PAPPA: variants seen among roughly 807,000 people sequenced by gnomAD.
The protein encoded by PAPPA is pappalysin 1.
PAPPA carries 60 observed loss-of-function variants against 164.0 expected under a neutral mutation model. The ratio of observed to expected loss-of-function variants is 0.37; its 90% CI spans 0.30 to 0.45. PAPPA has a LOEUF of 0.45. PAPPA is among the 20% of genes least tolerant of loss of function. PAPPA has a pLI of 1.00. For missense variants in PAPPA, 1,782 were observed against 2,087.3 expected (o/e 0.85, Z 2.85); for synonymous variants, 875 against 814.1 (o/e 1.07, Z -1.27).
intron 1 of PAPPA, among the ~76,000 whole-genome samples, chr9:116,177,314 T>C (rs1843848867): frequency 6.6e-6 from 1 of 152,208 alleles, no homozygotes; most frequent in South Asian, 2.1e-4. Context: ...ACTACCAGAC[T>C]GTCCACTGTG....
At chr9:116,356,260 A>G (rs961041237) in intron 17 of PAPPA, among the ~76,000 whole-genome samples, 5 of 152,216 alleles carry the variant, frequency 3.3e-5, no homozygotes, top group Admixed American at 2.0e-4. Flanking sequence ...GTTAAGCTTC[A>G]CTTTTCTTGT....
intron 10 of PAPPA, among the ~76,000 whole-genome samples, chr9:116,315,604 T>A (rs1237973293): frequency 1.3e-5 from 2 of 152,214 alleles, no homozygotes; most frequent in Non-Finnish European, 2.9e-5. Context: ...AATTTTCCTG[T>A]GATTGGCTTC....
intron 2 of PAPPA, among the ~76,000 whole-genome samples, chr9:116,204,459 A>G (rs1300421095): frequency 6.6e-6 from 1 of 152,136 alleles, no homozygotes; most frequent in Non-Finnish European, 1.5e-5. Context: ...CTATTGCCCA[A>G]GTGGGAGTAC....
At chr9:116,395,989 C>T (rs1507907) in intron 21 of PAPPA, among the ~76,000 whole-genome samples, 152,201 of 152,322 alleles carry the variant, frequency 1, 76,041 homozygotes, top group Non-Finnish European at 1. Flanking sequence ...AACTTTGCTA[C>T]AGTGCACGAC....
intron 9 of PAPPA, 125 bp from the exon 10 acceptor site, chr9:116,302,632 A>T: frequency 1.5e-6 from 1 of 670,996 alleles, no homozygotes; most frequent in Non-Finnish European, 2.5e-6. Flanking sequence ...GTCCATCGTG[A>T]CTAATGTGAT....
chr9:116,376,034 T>A (rs898140203), intron 19 of PAPPA, among the ~76,000 whole-genome samples: 3 of 151,440 alleles, frequency 2.0e-5, no homozygotes, highest in African/African-American at 7.3e-5. Flanking sequence ...TTTTTTTTTT[T>A]TTTTTGAGAC....
chr9:116,222,726 G>A (rs1412097518), intron 5 of PAPPA, among the ~76,000 whole-genome samples: 1 of 152,134 alleles, frequency 6.6e-6, no homozygotes, highest in Non-Finnish European at 1.5e-5. Context: ...GTTGATCAAA[G>A]GGCATAAAGT....
intron 10 of PAPPA, among the ~76,000 whole-genome samples, chr9:116,321,264 T>G (rs577550373): frequency 2.0e-5 from 3 of 152,142 alleles, no homozygotes; most frequent in South Asian, 2.1e-4. Context: ...CCTGACCTCG[T>G]GATCCGCCCG....
Position 116,362,613 on chromosome 9 carries a change from C to T in PAPPA, c.4369C>T (p.His1457Tyr). The change falls in exon 18 of 22, where the codon CAT becomes TAT. Residue 1457 changes from histidine to tyrosine, a missense_variant. By Grantham distance (83) the His-to-Tyr change is moderately conservative. Coordinates refer to ENST00000328252, the MANE Select transcript of PAPPA (RefSeq NM_002581.5). ...ASQGLGSNVI[H>Y]CRKDGTWNGS... ...TCAGGGACTTGGGAGCAATGTCATT[C>T]ATTGCCGGAAAGATGGCACCTGGAA... is the stretch of plus-strand genomic sequence containing the variant. 1 of 1,613,980 alleles carries T rather than the reference C, an allele frequency of 6.2e-7. No homozygotes were observed. Among genetic ancestry groups the T allele is most frequent in the Non-Finnish European group, 8.5e-7 (1 of 1,179,904 alleles).
At chr9:116,177,792 T>G (rs1277338313) in intron 1 of PAPPA, among the ~76,000 whole-genome samples, 1 of 152,180 alleles carries the variant, frequency 6.6e-6, no homozygotes, top group Non-Finnish European at 1.5e-5. Context: ...AGGATCTGGT[T>G]TGTGCTGTGC....
intron 7 of PAPPA, among the ~76,000 whole-genome samples, chr9:116,248,864 C>G (rs558430183): frequency 6.6e-6 from 1 of 152,178 alleles, no homozygotes; most frequent in Non-Finnish European, 1.5e-5. Context: ...TGATAATACA[C>G]ATCATATCTG....
chr9:116,356,092 T>C (rs202087098), intron 17 of PAPPA, among the ~76,000 whole-genome samples: 1 of 152,130 alleles, frequency 6.6e-6, no homozygotes, highest in South Asian at 2.1e-4. Context: ...ATAGGGGCTG[T>C]TGTAGGGGAG....
chr9:116,236,304 G>A lies in PAPPA; in HGVS notation c.2732+667G>A, dbSNP rs73527808. 4.4e-3 allele frequency among the ~76,000 whole-genome samples: 674 copies of A among 151,954 alleles called. 2 individuals carry two copies. Among genetic ancestry groups the A allele is most frequent in the African/African-American group, 0.015 (636 of 41,450 alleles). ...TACTTGTCTTTCATACTCACTTCCCGGCCAGGGAGGTGGCTCACTCCTGTA... is the reference window on the plus strand; with the variant it reads ...TACTTGTCTTTCATACTCACTTCCCAGCCAGGGAGGTGGCTCACTCCTGTA... On this transcript the variant is annotated intron_variant, in intron 7 of 21. Coordinates refer to ENST00000328252, the MANE Select transcript of PAPPA (RefSeq NM_002581.5).
intron 2 of PAPPA, among the ~76,000 whole-genome samples, chr9:116,195,738 T>G (rs1844096467): frequency 6.6e-6 from 1 of 152,234 alleles, no homozygotes; most frequent in Admixed American, 6.5e-5. Flanking sequence ...CGCTTCTTAT[T>G]GTGCATATCC....
chr9:116,157,122 T>G (rs759514575), intron 1 of PAPPA, among the ~76,000 whole-genome samples: 1 of 152,228 alleles, frequency 6.6e-6, no homozygotes, highest in African/African-American at 2.4e-5. Flanking sequence ...CACTCTTTGC[T>G]GCAGGATTCA....
At chr9:116,269,209 A>G (rs2118821501) in intron 8 of PAPPA, among the ~76,000 whole-genome samples, 1 of 152,322 alleles carries the variant, frequency 6.6e-6, no homozygotes, top group East Asian at 1.9e-4. Flanking sequence ...TCTTATTATA[A>G]TACTTTACGG....
At chr9:116,231,783 T>C (rs36142407) in intron 6 of PAPPA, among the ~76,000 whole-genome samples, 1 of 147,462 alleles carries the variant, frequency 6.8e-6, no homozygotes, top group Non-Finnish European at 1.5e-5. Flanking sequence ...TTTTTTGAGA[T>C]GGAGTTTCAC....
At chr9:116,290,928 T>A (rs1194629644) in intron 9 of PAPPA, among the ~76,000 whole-genome samples, 1 of 152,136 alleles carries the variant, frequency 6.6e-6, no homozygotes, top group Non-Finnish European at 1.5e-5. Flanking sequence ...GTATTGCTCT[T>A]CCTTCTGTTT....
At chr9:116,193,406 C>A (rs977626257) in intron 2 of PAPPA, among the ~76,000 whole-genome samples, 4 of 152,136 alleles carry the variant, frequency 2.6e-5, no homozygotes, top group Non-Finnish European at 4.4e-5. Context: ...TCATACTTTC[C>A]TCTTCCTTTT....
Sources: allele counts gnomAD v4.1 joint callset (sites outside exome capture counted in the v4.1 genomes callset), GRCh38; gene constraint gnomAD v4.1.1; transcripts MANE v1.5; gene names NCBI Gene and HGNC (gene_info 2026-07-23, HGNC 2026-07-21).